Variants in FAM13C observed in about 807,000 individuals in gnomAD.
FAM13C encodes protein FAM13C.
A neutral mutation model predicts 73.2 loss-of-function variants in FAM13C; 37 were observed. The observed-to-expected ratio is 0.51, with a 90% confidence interval of 0.39 to 0.67. FAM13C has a LOEUF of 0.67. Among genes scored for constraint, FAM13C ranks in the 30% least tolerant of loss-of-function variants. The pLI, the probability that FAM13C is intolerant of heterozygous loss-of-function variation, is 0.00. For synonymous variants in FAM13C, 246 were observed against 260.9 expected (o/e 0.94, Z 0.55); for missense variants, 589 against 715.6 (o/e 0.82, Z 2.02).
chr10:59,340,568 T>C (rs932382973), intron 3 of FAM13C, among the ~76,000 whole-genome samples: 1 of 152,150 alleles, frequency 6.6e-6, no homozygotes, highest in Non-Finnish European at 1.5e-5. Flanking sequence ...AACCAACTGC[T>C]GAGTCCCTAT....
At chr10:59,277,307 A>T (rs1477876051) in intron 6 of FAM13C, among the ~76,000 whole-genome samples, 1 of 152,230 alleles carries the variant, frequency 6.6e-6, no homozygotes, top group Non-Finnish European at 1.5e-5. Context: ...TCCCACAGGC[A>T]TAATTATTTC....
chr10:59,269,413 C>T (rs1027905521), intron 7 of FAM13C, among the ~76,000 whole-genome samples: 2 of 107,654 alleles, frequency 1.9e-5, no homozygotes, highest in Admixed American at 1.2e-4. Context: ...GGCAGGCATC[C>T]GATTACACAC....
At chr10:59,291,432 C>A (rs1846207909) in intron 5 of FAM13C, among the ~76,000 whole-genome samples, 1 of 152,202 alleles carries the variant, frequency 6.6e-6, no homozygotes, top group African/African-American at 2.4e-5. Context: ...CACACCTCAG[C>A]TCAGCCCGCC....
At chr10:59,346,141 G>GA (rs562787311) in intron 3 of FAM13C, among the ~76,000 whole-genome samples, 146 of 151,966 alleles carry the variant, frequency 9.6e-4, no homozygotes, top group Non-Finnish European at 1.7e-3. Context: ...AATACATCAA[G>GA]AAAAAAATGC....
upstream of FAM13C, chr10:59,362,686 G>A (rs1589755157): frequency 9.9e-6 from 10 of 1,013,142 alleles, 1 homozygote; most frequent in Admixed American, 1.7e-4. Flanking sequence ...AGAGCTGGGC[G>A]GGGCGCGGCG....
chr10:59,329,423 G>A (rs965806097), intron 3 of FAM13C, among the ~76,000 whole-genome samples: 1 of 121,752 alleles, frequency 8.2e-6, no homozygotes, highest in Non-Finnish European at 1.6e-5. Context: ...GCAATGATAC[G>A]ATCTCGACTC....
In FAM13C at chr10:59,283,412, C is replaced by G. The variant is rs140590152; in HGVS notation, c.543G>C (p.Pro181=). Residue 181 remains proline (P), a synonymous_variant, in exon 6 of 14, where the codon CCG becomes CCC. Transcript: ENST00000618804. ...EAAQVHGVKD[P]APASTQSVLA... ...GCACGCTCTGGGTTGATGCTGGCGCCGGGTCCTTGACTCCATGCACCTGAG... is the reference window on the plus strand; with the variant it reads ...GCACGCTCTGGGTTGATGCTGGCGCGGGGTCCTTGACTCCATGCACCTGAG... 1.8e-4 allele frequency: 283 copies of G among 1,614,090 alleles called. No individual in the cohort carries two copies. The highest frequency in any genetic ancestry group is 2.2e-4 in the Non-Finnish European group (265 of 1,180,028).
chr10:59,341,195 T>C (rs577548799), intron 3 of FAM13C, among the ~76,000 whole-genome samples: 2 of 152,124 alleles, frequency 1.3e-5, no homozygotes, highest in African/African-American at 2.4e-5. Flanking sequence ...CAAATCGACT[T>C]ACCTTTAAAC....
At chr10:59,348,867 C>T (rs536901651) in intron 3 of FAM13C, among the ~76,000 whole-genome samples, 1 of 152,284 alleles carries the variant, frequency 6.6e-6, no homozygotes, top group Admixed American at 6.5e-5. Flanking sequence ...AACTCCTGAC[C>T]TTGTGATCCA....
intron 4 of FAM13C, among the ~76,000 whole-genome samples, chr10:59,307,487 A>G (rs565275475): frequency 6.6e-6 from 1 of 152,214 alleles, no homozygotes; most frequent in Admixed American, 6.5e-5. Flanking sequence ...CAAGGTCATC[A>G]TATGAGACTA....
chr10:59,346,259 C>G (rs545248354), intron 3 of FAM13C, among the ~76,000 whole-genome samples: 58 of 152,216 alleles, frequency 3.8e-4, no homozygotes, highest in African/African-American at 1.4e-3. Context: ...GAGTGTAATA[C>G]AGTAAGAATA....
At chr10:59,264,217 G>A (rs1842798314) in intron 8 of FAM13C, 51 bp from the exon 9 acceptor site, 3 of 1,218,684 alleles carry the variant, frequency 2.5e-6, no homozygotes, top group East Asian at 2.4e-5. Context: ...GGAGGGAGAG[G>A]GTGGGGGAGA....
At chr10:59,297,948 G>T (rs1373213251) in intron 5 of FAM13C, among the ~76,000 whole-genome samples, 1 of 151,854 alleles carries the variant, frequency 6.6e-6, no homozygotes, top group Non-Finnish European at 1.5e-5. Flanking sequence ...TCCCATTGAT[G>T]CCTTAAGTCT....
In FAM13C at chr10:59,251,652, T is replaced by G; in HGVS notation, c.1557A>C (p.Arg519=). The G allele has an allele frequency of 6.2e-7, 1 of 1,611,778 alleles. No individual in the cohort carries two copies. Among genetic ancestry groups the G allele is most frequent in the South Asian group, 1.1e-5 (1 of 90,714 alleles). ...ATMPVLLDHL[R]ETRADKKRLR... ...GTCTCTTCTTGTCAGCCCTAGTTTC[T>G]CGGAGATGGTCAAGAAGTACAGGCC... is the stretch of plus-strand genomic sequence containing the variant. The change falls in exon 13 of 14, where the codon CGA becomes CGC. Residue 519 remains arginine (R), a synonymous_variant. Transcript: ENST00000618804.
chr10:59,345,078 T>A (rs1486668379), intron 3 of FAM13C, among the ~76,000 whole-genome samples: 2 of 152,192 alleles, frequency 1.3e-5, no homozygotes, highest in African/African-American at 2.4e-5. Context: ...AAAAGATGCA[T>A]AGGAAGTGGC....
At chr10:59,331,970 A>G (rs924143835) in intron 3 of FAM13C, among the ~76,000 whole-genome samples, 8 of 152,110 alleles carry the variant, frequency 5.3e-5, no homozygotes, top group Non-Finnish European at 1.2e-4. Flanking sequence ...AGGCAATGAT[A>G]AATAGAGGAG....
intron 5 of FAM13C, among the ~76,000 whole-genome samples, chr10:59,291,370 G>A (rs923218197): frequency 1.2e-4 from 19 of 152,120 alleles, no homozygotes; most frequent in African/African-American, 4.1e-4. Context: ...GACTTTTGGC[G>A]AATCCCTCTG....
At chr10:59,262,733 G>T in intron 9 of FAM13C, 88 bp from the exon 10 acceptor site, 1 of 1,114,142 alleles carries the variant, frequency 9.0e-7, no homozygotes, top group Non-Finnish European at 1.3e-6. Flanking sequence ...TTCCCCTGAT[G>T]CCAAATCTGT....
At chr10:59,271,818 T>C (rs1408843984) in intron 6 of FAM13C, among the ~76,000 whole-genome samples, 2 of 152,196 alleles carry the variant, frequency 1.3e-5, no homozygotes, top group Non-Finnish European at 2.9e-5. Context: ...TGGAAATATC[T>C]TCTGGAAATA....
Sources: gnomAD v4.1 joint callset for allele counts (sites outside exome capture counted in the v4.1 genomes callset) on GRCh38, gnomAD v4.1.1 for gene constraint, MANE v1.5 for transcripts, NCBI Gene and HGNC (gene_info 2026-07-23, HGNC 2026-07-21) for gene names.